The following MAN2A1 variants were observed in gnomAD, a reference collection of about 807,000 sequenced individuals.
MAN2A1 encodes mannosidase alpha class 2A member 1, also known as alpha-mannosidase 2.
MAN2A1 carries 76 observed loss-of-function variants against 142.6 expected under a neutral mutation model. The ratio of observed to expected loss-of-function variants is 0.53; its 90% CI spans 0.44 to 0.65. The LOEUF is 0.65. Ranked by LOEUF, MAN2A1 falls within the 30% of genes least tolerant of loss-of-function variation. MAN2A1 has a pLI of 0.00. For synonymous variants in MAN2A1, 559 were observed against 473.2 expected, an observed-to-expected ratio of 1.18 and a Z score of -2.35; for missense variants, 1,311 against 1,365.1, an observed-to-expected ratio of 0.96 and a Z score of 0.62.
intron 6 of MAN2A1, among the ~76,000 whole-genome samples, chr5:109,769,794 C>A (rs965186160): frequency 3.9e-5 from 6 of 152,146 alleles, no homozygotes; most frequent in Admixed American, 6.5e-5. Context: ...TGGGGTGAGA[C>A]TGTAGATTCT....
At chr5:109,699,601 T>TAGAG (rs3985089) in intron 1 of MAN2A1, 59,541 of 152,228 alleles carry the variant, frequency 0.39, 12,819 homozygotes, top group African/African-American at 0.58. Flanking sequence ...ATTTGTCAGT[T>TAGAG]AGAGCTCGTT....
At chr5:109,710,652 A>C (rs1373349707) in intron 1 of MAN2A1, among the ~76,000 whole-genome samples, 1 of 151,884 alleles carries the variant, frequency 6.6e-6, no homozygotes, top group African/African-American at 2.4e-5. Context: ...CTACAGGTGC[A>C]TGCCACCACA....
intron 20 of MAN2A1, among the ~76,000 whole-genome samples, chr5:109,858,732 C>T (rs544788526): frequency 6.6e-6 from 1 of 152,374 alleles, no homozygotes; most frequent in Admixed American, 6.5e-5. Flanking sequence ...CGCATGTCTT[C>T]CTGCCTGACC....
At chr5:109,819,994 C>A in intron 14 of MAN2A1, 107 bp downstream of exon 14, 1 of 875,810 alleles carries the variant, frequency 1.1e-6, no homozygotes, top group Non-Finnish European at 1.8e-6. Flanking sequence ...AGAGCTGTAT[C>A]AAATACTCTT....
intron 1 of MAN2A1, among the ~76,000 whole-genome samples, chr5:109,696,816 G>C (rs929749): frequency 0.38 from 57,187 of 152,070 alleles, 11,568 homozygotes; most frequent in African/African-American, 0.53. Flanking sequence ...TCAAAAGGCC[G>C]AAGCTCAAAA....
In MAN2A1 at chr5:109,763,957, G is replaced by T. The variant is rs143129107; in HGVS notation, c.836-3578G>T. On this transcript the variant is annotated intron_variant, in intron 5 of 21. Transcript: ENST00000261483. ...GCTAGGATTACAGGTGCTTGTCACC[G>T]CACCTGGCTAATTTTGTGTTTTTAA... 1.3e-3 allele frequency among the ~76,000 whole-genome samples: 204 copies of T among 151,826 alleles called. 1 individual carries two copies. Among genetic ancestry groups the T allele is most frequent in the African/African-American group, 4.2e-3 (174 of 41,436 alleles).
chr5:109,806,376 A>G (rs1754166325), intron 12 of MAN2A1, among the ~76,000 whole-genome samples: 1 of 152,222 alleles, frequency 6.6e-6, no homozygotes, highest in Non-Finnish European at 1.5e-5. Flanking sequence ...ACTGCTCAGC[A>G]CTGTTTTAAG....
intron 3 of MAN2A1, among the ~76,000 whole-genome samples, chr5:109,722,417 T>C (rs1404804770): frequency 6.6e-6 from 1 of 152,024 alleles, no homozygotes; most frequent in East Asian, 1.9e-4. Context: ...TTTTGTTTTG[T>C]TTTGTTTTGT....
chr5:109,835,763 C>T (rs1755041247), intron 16 of MAN2A1, among the ~76,000 whole-genome samples: 1 of 152,130 alleles, frequency 6.6e-6, no homozygotes, highest in Admixed American at 6.5e-5. Context: ...GAGTATATTC[C>T]TTGGAAAAGT....
chr5:109,769,599 A>T (rs1753086342), intron 6 of MAN2A1, among the ~76,000 whole-genome samples: 1 of 152,224 alleles, frequency 6.6e-6, no homozygotes, highest in Non-Finnish European at 1.5e-5. Flanking sequence ...TCACCTCTCC[A>T]GGCCAACATG....
At chr5:109,775,354 C>T (rs75290289) in intron 8 of MAN2A1, among the ~76,000 whole-genome samples, 2,814 of 152,232 alleles carry the variant, frequency 0.018, 34 homozygotes, top group Middle Eastern at 0.071. Flanking sequence ...AGTAGCATGA[C>T]TGGCAGATGC....
chr5:109,805,667 A>G (rs1373650633), intron 12 of MAN2A1, among the ~76,000 whole-genome samples: 1 of 152,110 alleles, frequency 6.6e-6, no homozygotes, highest in East Asian at 1.9e-4. Context: ...ATATTTTTGG[A>G]ACTTCAGTTT....
At chr5:109,774,717 T>C in intron 7 of MAN2A1, 71 bp from the exon 8 acceptor site, 1 of 1,139,280 alleles carries the variant, frequency 8.8e-7, no homozygotes, top group Non-Finnish European at 1.3e-6. Flanking sequence ...TCCTTTTTAA[T>C]CAATTGTCAC....
intron 12 of MAN2A1, among the ~76,000 whole-genome samples, chr5:109,808,810 T>C (rs1754241646): frequency 6.6e-6 from 1 of 151,834 alleles, no homozygotes; most frequent in Admixed American, 6.6e-5. Context: ...TTCCAGTGAT[T>C]CTTGTGCCTC....
chr5:109,816,586 A>G (rs1245198911), intron 12 of MAN2A1, among the ~76,000 whole-genome samples: 2 of 152,184 alleles, frequency 1.3e-5, no homozygotes, highest in East Asian at 3.8e-4. Flanking sequence ...GATTTTCCAT[A>G]TATAGCCATA....
At chr5:109,863,391 G>T (rs528561727) in intron 20 of MAN2A1, 5 of 152,274 alleles carry the variant, frequency 3.3e-5, no homozygotes, top group African/African-American at 1.2e-4. Flanking sequence ...TTATGGAAAA[G>T]GAAAACCTGG....
chr5:109,692,919 A>G (rs1485754871), intron 1 of MAN2A1, among the ~76,000 whole-genome samples: 2 of 152,086 alleles, frequency 1.3e-5, no homozygotes, highest in Admixed American at 6.5e-5. Flanking sequence ...GCAGTTCACA[A>G]TAAGGTTCGT....
At chr5:109,816,616 T>C (rs1397905867) in intron 12 of MAN2A1, among the ~76,000 whole-genome samples, 1 of 152,200 alleles carries the variant, frequency 6.6e-6, no homozygotes, top group Non-Finnish European at 1.5e-5. Context: ...TGGTCTAAAA[T>C]GAATATTAGA....
Position 109,784,822 on chromosome 5 carries a change from T to G in MAN2A1, c.1656T>G (p.Leu552=). The change falls in exon 10 of 22, where the codon CTT becomes CTG. Residue 552 remains leucine (L), a synonymous_variant. Transcript: ENST00000261483. ...TAAATAAATTTCTCTCATCATCACT[T>G]TACACGGCACTGACAGAAGCCAGAA... is the stretch of plus-strand genomic sequence containing the variant. The part of the protein sequence containing the change: ...YKINKFLSSS[L]YTALTEARRN... The G allele has an allele frequency of 3.7e-6, 6 of 1,612,766 alleles. No individual in the cohort carries two copies. Among genetic ancestry groups the G allele is most frequent in the Non-Finnish European group, 5.1e-6 (6 of 1,179,410 alleles).
Sources: allele counts gnomAD v4.1 joint callset (sites outside exome capture counted in the v4.1 genomes callset), GRCh38; gene constraint gnomAD v4.1.1; transcripts MANE v1.5; gene names NCBI Gene and HGNC (gene_info 2026-07-23, HGNC 2026-07-21).